The following WWOX variants were observed in gnomAD, a reference collection of about 807,000 sequenced individuals.
WWOX encodes the protein WW domain containing oxidoreductase, also known as WW domain-containing oxidoreductase.
A neutral mutation model predicts 46.2 loss-of-function variants in WWOX; 69 were observed. That is an observed-to-expected ratio of 1.49 (90% CI 1.23 to 1.82). The LOEUF (loss-of-function observed/expected upper bound fraction) is 1.82, where lower values mean the gene tolerates loss of function less well. Ranked by LOEUF, WWOX falls within the 40% of genes most tolerant of loss-of-function variation. The pLI, the probability that WWOX is intolerant of heterozygous loss-of-function variation, is 0.00. For missense variants in WWOX, 919 were observed against 542.6 expected (o/e 1.69, Z -6.89); for synonymous variants, 359 against 202.6 (o/e 1.77, Z -6.56).
intron 6 of WWOX, among the ~76,000 whole-genome samples, chr16:78,407,194 A>G (rs2082568794): frequency 6.6e-6 from 1 of 152,174 alleles, no homozygotes; most frequent in African/African-American, 2.4e-5. Context: ...GAGGAAAGAC[A>G]GTTGAACACC....
intron 5 of WWOX, among the ~76,000 whole-genome samples, chr16:78,335,162 G>T (rs975753532): frequency 6.6e-6 from 1 of 152,192 alleles, no homozygotes; most frequent in Non-Finnish European, 1.5e-5. Context: ...GGGTACATGT[G>T]TAAGATGTGC....
At chr16:78,328,445 GGCTTTGGATGA>G (rs2080680531) in intron 5 of WWOX, among the ~76,000 whole-genome samples, 2 of 152,112 alleles carry the variant, frequency 1.3e-5, no homozygotes, top group African/African-American at 4.8e-5. Context: ...TTATTTCTGT[GGCTTTGGATGA>G]GCTGTTTAAT....
chr16:78,438,758 G>A lies in WWOX; in HGVS notation c.1056+6006G>A, dbSNP rs552016168. On this transcript the variant is annotated intron_variant, in intron 8 of 8. Coordinates refer to ENST00000566780, the MANE Select transcript of WWOX (RefSeq NM_016373.4). ...CTGCGACGATCGGGTTACGTTTCCT[G>A]TGCCCGTGTAAAGCCAGTCATCGTG... is the stretch of plus-strand genomic sequence containing the variant. 1.2e-4 allele frequency among the ~76,000 whole-genome samples: 18 copies of A among 152,244 alleles called. No homozygotes were observed. The South Asian group carries it at 3.5e-3, about 30-fold the overall frequency.
chr16:78,784,977 G>A (rs1488815786), intron 8 of WWOX, among the ~76,000 whole-genome samples: 1 of 152,176 alleles, frequency 6.6e-6, no homozygotes, highest in African/African-American at 2.4e-5. Context: ...CCCGTGGGCA[G>A]GAGCAGCCAG....
intron 8 of WWOX, among the ~76,000 whole-genome samples, chr16:78,453,547 A>C (rs902336518): frequency 2.8e-4 from 42 of 152,188 alleles, no homozygotes; most frequent in African/African-American, 9.7e-4. Context: ...GGTTTGTTCA[A>C]GTTATATTGT....
At chr16:79,200,703 C>T (rs1325078396) in intron 8 of WWOX, among the ~76,000 whole-genome samples, 1 of 152,076 alleles carries the variant, frequency 6.6e-6, no homozygotes, top group Non-Finnish European at 1.5e-5. Flanking sequence ...CCTCACACTC[C>T]CTGGACAAAG....
At chr16:78,848,031 G>C (rs59961921) in intron 8 of WWOX, among the ~76,000 whole-genome samples, 3 of 152,262 alleles carry the variant, frequency 2.0e-5, no homozygotes, top group East Asian at 3.9e-4. Flanking sequence ...TGGCATATGA[G>C]TGAGGTCCCT....
intron 8 of WWOX, among the ~76,000 whole-genome samples, chr16:79,087,843 G>A (rs915739379): frequency 6.6e-6 from 1 of 152,114 alleles, no homozygotes; most frequent in African/African-American, 2.4e-5. Flanking sequence ...ATGCTCAAGG[G>A]GACCAGGAAA....
intron 8 of WWOX, chr16:78,757,136 A>C (rs1350148712): frequency 1.6e-6 from 1 of 641,482 alleles, no homozygotes; most frequent in Non-Finnish European, 2.8e-6. Flanking sequence ...CACCGAGCTA[A>C]GCTGCTCACA....
intron 8 of WWOX, among the ~76,000 whole-genome samples, chr16:79,113,288 G>T (rs2049451545): frequency 6.6e-6 from 1 of 152,166 alleles, no homozygotes; most frequent in South Asian, 2.1e-4. Flanking sequence ...TGGATGACGG[G>T]TGAAGAATTC....
intron 8 of WWOX, among the ~76,000 whole-genome samples, chr16:79,197,093 G>A (rs768214149): frequency 6.6e-6 from 1 of 152,134 alleles, no homozygotes; most frequent in Non-Finnish European, 1.5e-5. Flanking sequence ...AGCTACCTGA[G>A]TGGAGTCAAC....
intron 8 of WWOX, among the ~76,000 whole-genome samples, chr16:78,832,868 A>G (rs1193142308): frequency 6.6e-6 from 1 of 152,110 alleles, no homozygotes. Flanking sequence ...TTATTTCACC[A>G]GTGACTTTTG....
chr16:78,784,941 G>A (rs1251610555), intron 8 of WWOX, among the ~76,000 whole-genome samples: 1 of 152,164 alleles, frequency 6.6e-6, no homozygotes, highest in Admixed American at 6.5e-5. Context: ...GAAGCGAGGT[G>A]TCCCTTTTGC....
At chr16:78,727,815 A>C (rs4508429) in intron 8 of WWOX, among the ~76,000 whole-genome samples, 1 of 151,688 alleles carries the variant, frequency 6.6e-6, no homozygotes, top group Non-Finnish European at 1.5e-5. Context: ...TGTCCTACCT[A>C]TGTGCCTGCC....
intron 8 of WWOX, among the ~76,000 whole-genome samples, chr16:78,661,809 G>A (rs962248937): frequency 4.6e-5 from 7 of 152,188 alleles, no homozygotes; most frequent in South Asian, 2.1e-4. Context: ...GGCCGAGGCC[G>A]GTGTATCGCC....
intron 8 of WWOX, among the ~76,000 whole-genome samples, chr16:78,609,861 A>G (rs376926125): frequency 2.0e-5 from 3 of 152,200 alleles, no homozygotes; most frequent in African/African-American, 7.2e-5. Flanking sequence ...GTTTCTGTCT[A>G]ATTTCAACCT....
At chr16:78,819,654 AACACCACC>A (rs2051439285) in intron 8 of WWOX, among the ~76,000 whole-genome samples, 1 of 152,188 alleles carries the variant, frequency 6.6e-6, no homozygotes, top group African/African-American at 2.4e-5. Flanking sequence ...AAAAGTTGCT[AACACCACC>A]ACCTTGCCCT....
chr16:78,875,860 C>A (rs567237839), intron 8 of WWOX, among the ~76,000 whole-genome samples: 1 of 152,188 alleles, frequency 6.6e-6, no homozygotes, highest in Non-Finnish European at 1.5e-5. Context: ...AAGAATGTTT[C>A]TTCCACACTT....
At chr16:78,102,504 G>T (rs1206562952) in intron 1 of WWOX, among the ~76,000 whole-genome samples, 4 of 152,226 alleles carry the variant, frequency 2.6e-5, no homozygotes, top group Non-Finnish European at 2.9e-5. Flanking sequence ...TCCAGCAGCA[G>T]AGCTCCAGTA....
Sources: gnomAD v4.1 joint callset for allele counts (sites outside exome capture counted in the v4.1 genomes callset) on GRCh38, gnomAD v4.1.1 for gene constraint, MANE v1.5 for transcripts, NCBI Gene and HGNC (gene_info 2026-07-23, HGNC 2026-07-21) for gene names.